Variants in MAP4 observed in about 807,000 individuals in gnomAD.
The protein encoded by MAP4 is microtubule-associated protein 4.
Under a neutral mutation model 170.2 loss-of-function variants are expected in MAP4, and 76 were observed. That is an observed-to-expected ratio of 0.45 (90% CI 0.37 to 0.54). The LOEUF (loss-of-function observed/expected upper bound fraction) is 0.54, where lower values mean the gene tolerates loss of function less well. MAP4 is among the 20% of genes least tolerant of loss of function. The pLI is 0.00. For synonymous variants in MAP4, 909 were observed against 994.5 expected, an observed-to-expected ratio of 0.91 and a Z score of 1.62; for missense variants, 2,506 against 2,748.0, an observed-to-expected ratio of 0.91 and a Z score of 1.97.
Position 47,915,868 on chromosome 3 carries a change from T to C in MAP4, c.1876+83A>G, listed in dbSNP as rs1321394732. Reference sequence around the variant, plus strand: ...AAGTACAGTGTGACTGTCTGTACTTTACCTGGCATGATGTTTGTCCTTAGT... The same window carrying C: ...AAGTACAGTGTGACTGTCTGTACTTCACCTGGCATGATGTTTGTCCTTAGT... On this transcript the variant is annotated intron_variant, in intron 7 of 20. Transcript: ENST00000683076. The C allele has an allele frequency of 4.8e-6, 7 of 1,462,062 alleles. No homozygotes were observed. In the South Asian group the frequency reaches 6.6e-5, roughly 14 times the overall value. The allele number at this position is 1,462,062 out of a possible 1,614,324, so 90.6% of individuals were successfully genotyped here.
rs2082144481 is a variant in MAP4, at chr3:47,867,268, T to C, written c.6479A>G (p.Lys2160Arg). The part of the protein sequence containing the change: ...QSKCGSKDNI[K>R]HVPGGGNVQI... ...TACATTACCACCTCCAGGGACATGC[T>C]TAATATTGTCCTTGGAACCACACTT... Residue 2160 changes from lysine (K) to arginine (R), a missense_variant, in exon 17 of 21, where the codon AAG becomes AGG. Lys to Arg is a conservative substitution (Grantham distance 26). This residue lies in a region of MAP4 where 487 missense variants were observed against 511.6 expected (regional missense o/e 0.95). Coordinates refer to ENST00000683076, the MANE Select transcript of MAP4 (RefSeq NM_001385682.1). 7 of 1,613,092 alleles carry C rather than the reference T, an allele frequency of 4.3e-6. No homozygotes were observed. The highest frequency in any genetic ancestry group is 1.7e-4 in the Middle Eastern group (1 of 6,052).
intron 3 of MAP4, among the ~76,000 whole-genome samples, chr3:47,952,665 A>T (rs1054082611): frequency 1.3e-5 from 2 of 150,944 alleles, no homozygotes; most frequent in Admixed American, 6.6e-5. Flanking sequence ...AATTAAAAAA[A>T]AAATAAAAAT....
intron 1 of MAP4, among the ~76,000 whole-genome samples, chr3:48,083,550 G>A (rs1035962682): frequency 7.9e-5 from 12 of 151,538 alleles, no homozygotes; most frequent in African/African-American, 2.9e-4. Context: ...ATTTTTAGTA[G>A]AGACGGGGTT....
At chr3:47,946,593 G>A (rs1172624827) in intron 3 of MAP4, among the ~76,000 whole-genome samples, 1 of 141,320 alleles carries the variant, frequency 7.1e-6, no homozygotes, top group African/African-American at 2.7e-5. Flanking sequence ...GGCAGAGGTT[G>A]CAGTGAGCCA....
chr3:47,957,519 C>T (rs2100068539), intron 3 of MAP4, among the ~76,000 whole-genome samples: 1 of 152,052 alleles, frequency 6.6e-6, no homozygotes, highest in South Asian at 2.1e-4. Flanking sequence ...CACTATGTTA[C>T]CCAGGCTGGT....
chr3:48,002,315 C>T (rs888692266), intron 1 of MAP4, among the ~76,000 whole-genome samples: 23 of 151,040 alleles, frequency 1.5e-4, no homozygotes, highest in Non-Finnish European at 3.2e-4. Flanking sequence ...AATCCCAGCA[C>T]TTTCAGAGGC....
At chr3:47,995,427 T>C (rs965826689) in intron 2 of MAP4, among the ~76,000 whole-genome samples, 39 of 152,112 alleles carry the variant, frequency 2.6e-4, no homozygotes, top group African/African-American at 9.2e-4. Flanking sequence ...ATTTTTGTAT[T>C]TTTAGTAGAG....
intron 1 of MAP4, among the ~76,000 whole-genome samples, chr3:47,999,245 T>C (rs1196914563): frequency 6.6e-6 from 1 of 152,188 alleles, no homozygotes; most frequent in South Asian, 2.1e-4. Context: ...CTTTACATAG[T>C]TACATTACTA....
intron 10 of MAP4, among the ~76,000 whole-genome samples, chr3:47,881,446 C>CTACATATATA (rs2096697962): frequency 2.0e-5 from 1 of 49,482 alleles, no homozygotes; most frequent in South Asian, 6.1e-4. Flanking sequence ...GAAAAAACAA[C>CTACATATATA]TATATATATA....
In MAP4 at chr3:47,852,852, G is replaced by C. The variant is rs1216184271; in HGVS notation, c.*82C>G. 2 of 1,562,292 alleles carry C rather than the reference G, an allele frequency of 1.3e-6. No individual in the cohort carries two copies. The highest frequency in any genetic ancestry group is 3.9e-5 in the Admixed American group (2 of 51,652). ...GGGAGCCCGAGTTGGGGCCGCCAGG[G>C]AAGTGTGGGGGGCGGGAGACAATGT... On this transcript the variant is annotated 3_prime_UTR_variant, in exon 21 of 21. Transcript: ENST00000683076.
intron 9 of MAP4, among the ~76,000 whole-genome samples, chr3:47,908,146 C>T (rs935420979): frequency 7.2e-6 from 1 of 139,488 alleles, no homozygotes; most frequent in South Asian, 2.2e-4. Flanking sequence ...ATCTCAAAGA[C>T]AAGGGAACAT....
chr3:48,040,973 T>C lies in MAP4; in HGVS notation c.-19-42094A>G, dbSNP rs151026778. 4.0e-4 allele frequency among the ~76,000 whole-genome samples: 61 copies of C among 152,100 alleles called. 3 individuals carry two copies. In the East Asian group the frequency reaches 0.011, roughly 28 times the overall value. On this transcript the variant is annotated intron_variant, in intron 1 of 18. Coordinates refer to the MAP4 transcript ENST00000360240. The stretch of plus-strand genomic sequence containing the variant: ...CCTTGGCCTCCCAAAGTGCTGGGAT[T>C]ACAGGTATAAGCCACCATGCCCAGC...
At chr3:47,973,757 AACT>A in intron 3 of MAP4, 1 of 985,472 alleles carries the variant, frequency 1.0e-6, no homozygotes, top group Non-Finnish European at 1.2e-6. Context: ...TTTTAAAAAT[AACT>A]ACTACCAGTT....
At chr3:47,908,733 T>C (rs1173344182) in intron 9 of MAP4, among the ~76,000 whole-genome samples, 3 of 152,114 alleles carry the variant, frequency 2.0e-5, no homozygotes, top group Admixed American at 2.0e-4. Context: ...TTTAAAAAAA[T>C]TAAGAAATGG....
intron 1 of MAP4, among the ~76,000 whole-genome samples, chr3:48,043,501 C>T (rs1372164356): frequency 6.6e-6 from 1 of 152,172 alleles, no homozygotes; most frequent in East Asian, 1.9e-4. Context: ...ATGAAACTTC[C>T]TTCCTATGAG....
intron 1 of MAP4, among the ~76,000 whole-genome samples, chr3:48,031,494 T>C (rs1579399245): frequency 6.6e-6 from 1 of 152,102 alleles, no homozygotes; most frequent in East Asian, 1.9e-4. Context: ...GAAGTTACAG[T>C]GAGCCAAGGT....
chr3:48,056,500 CCCT>C, intron 1 of MAP4, among the ~76,000 whole-genome samples: 1 of 79,210 alleles, frequency 1.3e-5, no homozygotes, highest in African/African-American at 6.0e-5. Context: ...GGGGGGTCAG[CCCT>C]CCCCCCGGCC....
intron 1 of MAP4, among the ~76,000 whole-genome samples, chr3:48,056,904 C>T (rs560569134): frequency 3.5e-4 from 49 of 140,806 alleles, no homozygotes; most frequent in African/African-American, 1.2e-3. Flanking sequence ...GGCGCCTCTG[C>T]CCGGCCAGCC....
At chr3:48,083,057 A>G (rs2100147379) in intron 1 of MAP4, among the ~76,000 whole-genome samples, 1 of 152,174 alleles carries the variant, frequency 6.6e-6, no homozygotes, top group Non-Finnish European at 1.5e-5. Context: ...GGAAGAAACT[A>G]AAGAATTGTG....
Sources: allele counts gnomAD v4.1 joint callset (sites outside exome capture counted in the v4.1 genomes callset), GRCh38; gene constraint gnomAD v4.1.1; regional missense constraint gnomAD v4.1.1; transcripts MANE v1.5; gene names NCBI Gene and HGNC (gene_info 2026-07-23, HGNC 2026-07-21).